DNAI7: variants seen among roughly 807,000 people sequenced by gnomAD.
DNAI7 encodes dynein axonemal intermediate chain 7.
In DNAI7, 78 loss-of-function variants were observed where a neutral mutation model predicts 86.6. The observed-to-expected ratio is 0.90, with a 90% confidence interval of 0.75 to 1.09. DNAI7 has a LOEUF of 1.09. DNAI7 is among the 50% of genes least tolerant of loss of function. The pLI is 0.00. For synonymous variants in DNAI7, 274 were observed against 273.0 expected, an observed-to-expected ratio of 1.00 and a Z score of -0.04; for missense variants, 753 against 810.2, an observed-to-expected ratio of 0.93 and a Z score of 0.86.
chr12:25,112,110 A>C (rs1349953599), intron 13 of DNAI7, among the ~76,000 whole-genome samples, 171 bp from the exon 14 acceptor site: 1 of 152,230 alleles, frequency 6.6e-6, no homozygotes, highest in Non-Finnish European at 1.5e-5. Flanking sequence ...GCTCTGACAC[A>C]AAGTCCCCAT....
intron 2 of DNAI7, among the ~76,000 whole-genome samples, chr12:25,175,846 G>A (rs1243342767): frequency 2.0e-5 from 3 of 151,766 alleles, no homozygotes; most frequent in African/African-American, 7.3e-5. Flanking sequence ...TTGGGAGGCT[G>A]AGGTGGGCAG....
At position 25,158,578 on chromosome 12, in the gene DNAI7, A is replaced by G; in HGVS notation, c.107-15T>C. Reference sequence around the variant, plus strand: ...ACGGGCTTCCTCTAAAGAACCAAAAATAATTTTTTTCTCAGTGAATAGATC... The same window carrying G: ...ACGGGCTTCCTCTAAAGAACCAAAAGTAATTTTTTTCTCAGTGAATAGATC... On this transcript the variant is annotated splice_polypyrimidine_tract_variant and intron_variant, in intron 3 of 15. Coordinates refer to ENST00000395987, the MANE Select transcript of DNAI7 (RefSeq NM_018272.5). 6.2e-7 allele frequency: 1 copy of G among 1,605,456 alleles called. No individual in the cohort carries two copies. Among genetic ancestry groups the G allele is most frequent in the Non-Finnish European group, 8.5e-7 (1 of 1,175,996 alleles).
At chr12:25,121,995 T>A (rs957566692) in intron 10 of DNAI7, 82 bp from the exon 11 acceptor site, 7 of 967,160 alleles carry the variant, frequency 7.2e-6, no homozygotes, top group South Asian at 1.9e-5. Context: ...ATTCTCATAC[T>A]GGTAAAGGAA....
At chr12:25,133,408 C>T (rs1482866183) in intron 9 of DNAI7, among the ~76,000 whole-genome samples, 1 of 152,072 alleles carries the variant, frequency 6.6e-6, no homozygotes, top group African/African-American at 2.4e-5. Context: ...GTGATTTTTG[C>T]TCCCTGCAGT....
At chr12:25,190,356 C>G (rs1487124673) in intron 2 of DNAI7, among the ~76,000 whole-genome samples, 3 of 152,026 alleles carry the variant, frequency 2.0e-5, no homozygotes, top group African/African-American at 7.2e-5. Flanking sequence ...CAAAAAGCCC[C>G]AAATCTAGAC....
At chr12:25,174,396 C>G (rs796271872) in intron 2 of DNAI7, among the ~76,000 whole-genome samples, 89 of 214 alleles carry the variant, frequency 0.42, 37 homozygotes, top group African/African-American at 0.54. Flanking sequence ...TGGGATATAT[C>G]ATATATATGG....
At chr12:25,111,503 TA>T (rs1938811380) in intron 14 of DNAI7, among the ~76,000 whole-genome samples, 1 of 152,136 alleles carries the variant, frequency 6.6e-6, no homozygotes, top group Admixed American at 6.5e-5. Context: ...AGAAAGTATA[TA>T]AAATGAGAAT....
chr12:25,163,652 G>T (rs566103326), intron 2 of DNAI7, among the ~76,000 whole-genome samples: 11 of 152,234 alleles, frequency 7.2e-5, no homozygotes, highest in African/African-American at 2.6e-4. Flanking sequence ...TGGATCAGGG[G>T]ACCTCCCTTG....
intron 9 of DNAI7, among the ~76,000 whole-genome samples, chr12:25,125,340 T>C (rs546574815): frequency 6.6e-6 from 1 of 152,328 alleles, no homozygotes; most frequent in African/African-American, 2.4e-5. Context: ...TATCTCATTG[T>C]GGTTTTGATT....
chr12:25,123,341 C>A, intron 9 of DNAI7, 55 bp from the exon 10 acceptor site: 1 of 1,219,726 alleles, frequency 8.2e-7, no homozygotes, highest in Non-Finnish European at 1.1e-6. Flanking sequence ...ATAGTACAGT[C>A]ATTGTCTTTG....
chr12:25,158,072 A>G (rs1946404701), intron 4 of DNAI7, among the ~76,000 whole-genome samples: 1 of 152,076 alleles, frequency 6.6e-6, no homozygotes, highest in African/African-American at 2.4e-5. Flanking sequence ...TACTAAAAGT[A>G]CAAAAAATTA....
intron 15 of DNAI7, among the ~76,000 whole-genome samples, chr12:25,109,434 T>G (rs1041795754): frequency 2.6e-5 from 4 of 152,112 alleles, no homozygotes; most frequent in African/African-American, 7.2e-5. Flanking sequence ...CTGTTCAGGC[T>G]CGGGTGCAGT....
chr12:25,172,362 A>G (rs1948234907), intron 2 of DNAI7, among the ~76,000 whole-genome samples: 1 of 151,806 alleles, frequency 6.6e-6, no homozygotes, highest in Admixed American at 6.6e-5. Context: ...AGCTGCAAAA[A>G]TAAAATAAAA....
chr12:25,124,760 T>C (rs1053080531), intron 9 of DNAI7, among the ~76,000 whole-genome samples: 3 of 152,150 alleles, frequency 2.0e-5, no homozygotes, highest in African/African-American at 7.2e-5. Flanking sequence ...TTTCTGCTCC[T>C]TGCTCTCCTC....
chr12:25,190,100 A>G (rs1032364096), intron 2 of DNAI7, among the ~76,000 whole-genome samples: 2 of 152,144 alleles, frequency 1.3e-5, no homozygotes, highest in African/African-American at 4.8e-5. Flanking sequence ...ATAAATCTAC[A>G]AAGTAAAGAG....
intron 9 of DNAI7, among the ~76,000 whole-genome samples, chr12:25,138,732 T>A (rs182235011): frequency 6.6e-6 from 1 of 152,088 alleles, no homozygotes; most frequent in African/African-American, 2.4e-5. Context: ...TTCATGGTAT[T>A]AAATACCTAA....
intron 9 of DNAI7, among the ~76,000 whole-genome samples, chr12:25,131,974 C>A (rs1450164349): frequency 3.3e-5 from 5 of 151,888 alleles, no homozygotes; most frequent in Non-Finnish European, 5.9e-5. Flanking sequence ...GGAGGGACAT[C>A]TGATTTAATC....
chr12:25,122,049 A>T (rs1378848025), intron 10 of DNAI7, 136 bp from the exon 11 acceptor site: 1 of 593,214 alleles, frequency 1.7e-6, no homozygotes, highest in African/African-American at 1.9e-5. Flanking sequence ...AAAGCAGTTA[A>T]CTCAAAATGA....
chr12:25,130,083 A>G (rs1369376605), intron 9 of DNAI7, among the ~76,000 whole-genome samples: 1 of 151,992 alleles, frequency 6.6e-6, no homozygotes, highest in Non-Finnish European at 1.5e-5. Flanking sequence ...CTTAACCCCC[A>G]TGTAGAATCT....
Sources: gnomAD v4.1 joint callset for allele counts (sites outside exome capture counted in the v4.1 genomes callset) on GRCh38, gnomAD v4.1.1 for gene constraint, MANE v1.5 for transcripts, NCBI Gene and HGNC (gene_info 2026-07-23, HGNC 2026-07-21) for gene names.